LUZP2: variants seen among roughly 807,000 people sequenced by gnomAD.
The protein encoded by LUZP2 is leucine zipper protein 2.
In LUZP2, 52 loss-of-function variants were observed where a neutral mutation model predicts 51.6. That is an observed-to-expected ratio of 1.01 (90% CI 0.81 to 1.27). The LOEUF is 1.27. Ranked by LOEUF, LUZP2 falls within the 50% of genes most tolerant of loss-of-function variation. The probability of loss-of-function intolerance (pLI) is 0.00; values close to 1 mark genes in which losing one functional copy is unlikely to be tolerated. For synonymous variants in LUZP2, 154 were observed against 137.3 expected, an observed-to-expected ratio of 1.12 and a Z score of -0.85; for missense variants, 436 against 395.4, an observed-to-expected ratio of 1.10 and a Z score of -0.87.
At chr11:24,801,685 A>T (rs1175475845) in intron 5 of LUZP2, among the ~76,000 whole-genome samples, 1 of 151,672 alleles carries the variant, frequency 6.6e-6, no homozygotes, top group Non-Finnish European at 1.5e-5. Context: ...TAATATTCTA[A>T]TAGTATTATC....
intron 7 of LUZP2, among the ~76,000 whole-genome samples, chr11:24,929,337 T>A (rs1460948085): frequency 6.6e-6 from 1 of 152,124 alleles, no homozygotes; most frequent in East Asian, 1.9e-4. Flanking sequence ...TTTCCAAACT[T>A]TTTTATGTAG....
At chr11:24,679,532 T>C (rs1210185020) in intron 1 of LUZP2, among the ~76,000 whole-genome samples, 1 of 152,200 alleles carries the variant, frequency 6.6e-6, no homozygotes. Flanking sequence ...GGAGTTACAC[T>C]TTACTTTCTA....
chr11:24,918,893 G>C (rs867542856), intron 7 of LUZP2, among the ~76,000 whole-genome samples: 1 of 142,202 alleles, frequency 7.0e-6, no homozygotes, highest in African/African-American at 2.6e-5. Flanking sequence ...ATTATATATA[G>C]TTATATATAA....
At chr11:24,545,828 C>T (rs545753032) in intron 1 of LUZP2, among the ~76,000 whole-genome samples, 51 of 151,616 alleles carry the variant, frequency 3.4e-4, no homozygotes, top group African/African-American at 1.2e-3. Context: ...TGAAGAATGT[C>T]ATTGGTAGTT....
Position 24,853,054 on chromosome 11 carries a change from G to C in LUZP2, c.397-52937G>C, listed in dbSNP as rs370722014. ...TTGGCAGTCTGTGTCTTTTAATTGG[G>C]GCATTTATCCCATTTACATTTAAGG... On this transcript the variant is annotated intron_variant, in intron 5 of 11. Transcript: ENST00000336930. Among the ~76,000 whole-genome samples the C allele has an allele frequency of 1.3e-4, 20 of 151,964 alleles. No homozygotes were observed. In the East Asian group the frequency reaches 3.3e-3, roughly 25 times the overall value.
At chr11:24,603,512 T>A (rs1853813897) in intron 1 of LUZP2, among the ~76,000 whole-genome samples, 1 of 151,304 alleles carries the variant, frequency 6.6e-6, no homozygotes, top group Admixed American at 6.6e-5. Context: ...TTTATGTTTC[T>A]GAAAATATAG....
At chr11:24,839,673 T>C (rs1329772242) in intron 5 of LUZP2, among the ~76,000 whole-genome samples, 2 of 151,586 alleles carry the variant, frequency 1.3e-5, no homozygotes, top group Non-Finnish European at 3.0e-5. Flanking sequence ...TAAAACACAT[T>C]TCCTTTCAAA....
At chr11:24,974,388 C>T (rs954701131) in intron 7 of LUZP2, among the ~76,000 whole-genome samples, 4 of 151,870 alleles carry the variant, frequency 2.6e-5, no homozygotes, top group East Asian at 1.9e-4. Context: ...TCTTTATCAA[C>T]GTTGCCATTG....
At chr11:24,834,777 T>C (rs1222311521) in intron 5 of LUZP2, among the ~76,000 whole-genome samples, 1 of 152,172 alleles carries the variant, frequency 6.6e-6, no homozygotes, top group African/African-American at 2.4e-5. Flanking sequence ...ACTTTCATAA[T>C]TGCCATTCTG....
intron 1 of LUZP2, among the ~76,000 whole-genome samples, chr11:24,512,319 A>G (rs1850336236): frequency 6.9e-6 from 1 of 145,076 alleles, no homozygotes; most frequent in Non-Finnish European, 1.5e-5. Context: ...TGAGTCTTTA[A>G]TATCTACTCC....
At chr11:24,986,619 G>A (rs1856196296) in intron 9 of LUZP2, among the ~76,000 whole-genome samples, 1 of 150,828 alleles carries the variant, frequency 6.6e-6, no homozygotes, top group Non-Finnish European at 1.5e-5. Context: ...CAAAAAAAGT[G>A]ACTAACATTT....
chr11:24,727,941 A>G (rs7123304), intron 1 of LUZP2, among the ~76,000 whole-genome samples: 54,343 of 151,788 alleles, frequency 0.36, 10,154 homozygotes, highest in Non-Finnish European at 0.41. Flanking sequence ...GTTCCTTTAT[A>G]TTTCTGCAGA....
chr11:25,077,681 A>G (rs1859353020), intron 11 of LUZP2, among the ~76,000 whole-genome samples: 1 of 151,624 alleles, frequency 6.6e-6, no homozygotes, highest in South Asian at 2.1e-4. Context: ...TATTTTTAGT[A>G]GAGACGGGGT....
At chr11:25,078,524 T>C in intron 11 of LUZP2, 30 bp from the exon 12 acceptor site, 1 of 1,546,566 alleles carries the variant, frequency 6.5e-7, no homozygotes, top group South Asian at 1.2e-5. Flanking sequence ...TTTTGATTCT[T>C]CGAATTGTCT....
intron 8 of LUZP2, among the ~76,000 whole-genome samples, chr11:24,980,295 A>C (rs1855990415): frequency 1.3e-5 from 2 of 151,694 alleles, no homozygotes; most frequent in Non-Finnish European, 2.9e-5. Flanking sequence ...ATTTTTTCTG[A>C]GAAAAGTACT....
rs1212189068 is a variant in LUZP2, at chr11:25,081,220, G to A, written c.*2562G>A. On this transcript the variant is annotated 3_prime_UTR_variant, in exon 12 of 12. Coordinates refer to ENST00000336930, the MANE Select transcript of LUZP2 (RefSeq NM_001009909.4). ...GGCTAATTTTTATATTTTTAATAGA[G>A]ACGGGGTTTCACCATGTTGGCCAGG... The A allele has an allele frequency of 1.3e-5, 2 of 151,586 alleles. No individual in the cohort carries two copies. The highest frequency in any genetic ancestry group is 4.8e-5 in the African/African-American group (2 of 41,248). 9.4% of individuals were successfully genotyped at this position (151,586 alleles called of 1,614,324 possible).
At chr11:24,641,811 AT>A (rs1192701884) in intron 1 of LUZP2, among the ~76,000 whole-genome samples, 1 of 151,970 alleles carries the variant, frequency 6.6e-6, no homozygotes, top group African/African-American at 2.4e-5. Context: ...AAAAATTGCA[AT>A]TGTTATCTGG....
At chr11:24,899,966 A>G (rs1453068815) in intron 5 of LUZP2, among the ~76,000 whole-genome samples, 6 of 152,134 alleles carry the variant, frequency 3.9e-5, no homozygotes, top group Non-Finnish European at 4.4e-5. Context: ...CTGAAAATGA[A>G]AGTCTCTTTT....
At chr11:24,835,151 A>T (rs1564963285) in intron 5 of LUZP2, among the ~76,000 whole-genome samples, 1 of 152,102 alleles carries the variant, frequency 6.6e-6, no homozygotes, top group Non-Finnish European at 1.5e-5. Flanking sequence ...TAGAAATAAC[A>T]CCACACATCT....
Sources: gnomAD v4.1 joint callset for allele counts (sites outside exome capture counted in the v4.1 genomes callset) on GRCh38, gnomAD v4.1.1 for gene constraint, MANE v1.5 for transcripts, NCBI Gene and HGNC (gene_info 2026-07-23, HGNC 2026-07-21) for gene names.